USP49: variants seen among roughly 807,000 people sequenced by gnomAD.
USP49 encodes the protein ubiquitin specific peptidase 49, also known as ubiquitin carboxyl-terminal hydrolase 49.
In USP49, 24 loss-of-function variants were observed where a neutral mutation model predicts 58.6. That is an observed-to-expected ratio of 0.41 (90% confidence interval 0.30 to 0.58). The LOEUF is 0.58. Ranked by LOEUF, USP49 falls within the 20% of genes least tolerant of loss-of-function variation. The pLI, the probability that USP49 is intolerant of heterozygous loss-of-function variation, is 0.30. For missense variants in USP49, 703 were observed against 866.1 expected (o/e 0.81, Z 2.36); for synonymous variants, 408 against 365.1 (o/e 1.12, Z -1.34).
chr6:41,830,068 A>G (rs1054329375), intron 3 of USP49, among the ~76,000 whole-genome samples: 1 of 152,192 alleles, frequency 6.6e-6, no homozygotes, highest in African/African-American at 2.4e-5. Flanking sequence ...ACAATAATAC[A>G]TTCAATTTGC....
At chr6:41,804,107 G>A (rs1011634352) in intron 4 of USP49, 97 bp from the exon 5 acceptor site, 5 of 1,090,728 alleles carry the variant, frequency 4.6e-6, no homozygotes, top group Admixed American at 5.5e-5. Context: ...TCAAAACTAA[G>A]TGTATAATTT....
chr6:41,856,698 T>C (rs1213273175), intron 3 of USP49, among the ~76,000 whole-genome samples: 1 of 152,144 alleles, frequency 6.6e-6, no homozygotes, highest in Non-Finnish European at 1.5e-5. Flanking sequence ...TCCTCCCTTA[T>C]CCACAGTTTT....
rs761240031 is a variant in USP49, at chr6:41,806,539, G to C, written c.445C>G (p.Arg149Gly). ...MLTALWYRRQ[R>G]LLARTLRLWF... ...AGCCGCAGCGTCCTGGCCAGCAGGC[G>C]CTGACGCCGGTACCACAGAGCCGTG... The change falls in exon 4 of 8, where the codon CGC becomes GGC. Residue 149 changes from arginine to glycine, a missense_variant. Physicochemically the swap from Arg to Gly is moderately radical, Grantham distance 125. Around this residue, in one of 6 missense-constraint regions of USP49, gnomAD observed 376 missense variants for 373.5 expected, o/e 1.01. Coordinates refer to ENST00000682992, the MANE Select transcript of USP49 (RefSeq NM_001286554.2). The surrounding 1 kb of genome is among the most constrained non-coding windows in gnomAD (Gnocchi z 5.9). 2 of 1,600,408 alleles carry C rather than the reference G, an allele frequency of 1.2e-6. No individual in the cohort carries two copies. The highest frequency in any genetic ancestry group is 4.5e-5 in the East Asian group (2 of 44,854).
intron 3 of USP49, among the ~76,000 whole-genome samples, chr6:41,809,045 A>C (rs1773196030): frequency 6.6e-6 from 1 of 152,032 alleles, no homozygotes. Flanking sequence ...TCTAGAGTAG[A>C]TGAGATCATA....
At chr6:41,877,019 G>A (rs548210736) in intron 2 of USP49, among the ~76,000 whole-genome samples, 3 of 152,138 alleles carry the variant, frequency 2.0e-5, no homozygotes, top group African/African-American at 7.2e-5. Flanking sequence ...CTAAAATTTT[G>A]TACATATCGC....
chr6:41,802,765 T>TA (rs1773043409), intron 5 of USP49, among the ~76,000 whole-genome samples: 1 of 152,242 alleles, frequency 6.6e-6, no homozygotes, highest in South Asian at 2.1e-4. Flanking sequence ...CCTCTGTCCA[T>TA]ACTGGATTAG....
chr6:41,837,705 T>C (rs1582012573), intron 3 of USP49, among the ~76,000 whole-genome samples: 1 of 152,182 alleles, frequency 6.6e-6, no homozygotes, highest in Non-Finnish European at 1.5e-5. Flanking sequence ...TTGCAAGCTA[T>C]GCATCTGTCA....
rs1234489468 is a variant in USP49, at chr6:41,799,812, C to A, written c.1670+18G>T. On this transcript the variant is annotated intron_variant, in intron 6 of 7. Coordinates refer to ENST00000682992, the MANE Select transcript of USP49 (RefSeq NM_001286554.2). Reference sequence around the variant, plus strand: ...TCCCACAGCTCTCACCCAGCTGGGACTCCCACAGCAAGCTCACCTGAATCT... The same window carrying A: ...TCCCACAGCTCTCACCCAGCTGGGAATCCCACAGCAAGCTCACCTGAATCT... 6.2e-7 allele frequency: 1 copy of A among 1,606,072 alleles called. No homozygotes were observed. The highest frequency in any genetic ancestry group is 8.5e-7 in the Non-Finnish European group (1 of 1,172,924).
At chr6:41,861,209 C>A (rs913750839) in intron 3 of USP49, among the ~76,000 whole-genome samples, 1 of 151,838 alleles carries the variant, frequency 6.6e-6, no homozygotes, top group Non-Finnish European at 1.5e-5. Flanking sequence ...TTTGGGAGGC[C>A]GAGGCAGGCG....
intron 3 of USP49, among the ~76,000 whole-genome samples, chr6:41,818,449 G>A (rs374184900): frequency 1.9e-4 from 29 of 152,310 alleles, no homozygotes; most frequent in African/African-American, 7.0e-4. Context: ...CAGATTGGCT[G>A]GGTAAGGATT....
At chr6:41,860,852 G>A (rs866902638) in intron 3 of USP49, among the ~76,000 whole-genome samples, 5 of 152,030 alleles carry the variant, frequency 3.3e-5, no homozygotes, top group Admixed American at 1.3e-4. Context: ...GGCCAGGCAC[G>A]GTGGCTGGTG....
intron 2 of USP49, among the ~76,000 whole-genome samples, chr6:41,882,396 T>C (rs550182878): frequency 3.0e-4 from 46 of 152,302 alleles, no homozygotes; most frequent in Middle Eastern, 3.4e-3. Flanking sequence ...GTTTAGTGGA[T>C]GGTATTGGGA....
chr6:41,817,150 C>CTTTTTT lies in USP49; in HGVS notation c.-28-10145_-28-10140dup, dbSNP rs34281670. 2.6e-4 allele frequency among the ~76,000 whole-genome samples: 27 copies of CTTTTTT among 104,336 alleles called. 1 individual carries two copies. The highest frequency in any genetic ancestry group is 3.5e-4 in the Non-Finnish European group (20 of 57,074). The allele number at this position is 104,336 out of a possible 152,430, so 68.4% of individuals were successfully genotyped here. A position where few individuals can be genotyped will look rare whatever the true frequency, so the allele number is the denominator to read the frequency against. On this transcript the variant is annotated intron_variant, in intron 3 of 7. Transcript: ENST00000682992. ...CCACCACGCCTGGCTCCCACGCATGCTTTTTTTTTTTTTTTTTGAGACAGA... is the reference window on the plus strand; with the variant it reads ...CCACCACGCCTGGCTCCCACGCATGCTTTTTTTTTTTTTTTTTTTTTTTGAGACAGA...
intron 4 of USP49, among the ~76,000 whole-genome samples, chr6:41,805,067 A>G (rs887575564): frequency 1.3e-5 from 2 of 152,142 alleles, no homozygotes; most frequent in African/African-American, 4.8e-5. Context: ...TTTTTTAACT[A>G]TAGAAATACT....
At chr6:41,880,015 GA>G (rs1304289960) in intron 2 of USP49, among the ~76,000 whole-genome samples, 2 of 151,942 alleles carry the variant, frequency 1.3e-5, no homozygotes, top group East Asian at 3.9e-4. Flanking sequence ...CAAAATAAAT[GA>G]AATGAACAAG....
intron 3 of USP49, among the ~76,000 whole-genome samples, chr6:41,844,482 T>G (rs1773886865): frequency 6.6e-6 from 1 of 151,822 alleles, no homozygotes; most frequent in African/African-American, 2.4e-5. Context: ...CTCGGCTAGT[T>G]TTTTGTATTT....
At chr6:41,875,692 G>T (rs565313359) in intron 2 of USP49, among the ~76,000 whole-genome samples, 25 of 152,094 alleles carry the variant, frequency 1.6e-4, no homozygotes, top group Non-Finnish European at 3.5e-4. Flanking sequence ...TGTTTTCCTT[G>T]ACCCAGTCAC....
intron 3 of USP49, among the ~76,000 whole-genome samples, chr6:41,840,081 A>T (rs1185292400): frequency 2.0e-5 from 3 of 149,574 alleles, no homozygotes; most frequent in African/African-American, 2.4e-5. Context: ...ATTAACATTT[A>T]AAAAAAAAAT....
rs150705343 is a variant in USP49, at chr6:41,881,236, C to T, written c.-102-9599G>A. Among the ~76,000 whole-genome samples the T allele has an allele frequency of 2.0e-3, 260 of 131,704 alleles. 1 individual carries two copies. Among genetic ancestry groups the T allele is most frequent in the African/African-American group, 6.7e-3 (232 of 34,498 alleles). 86.4% of individuals were successfully genotyped at this position (131,704 alleles called of 152,430 possible). ...CGTGAGCCACCCTGCCCGGCCCCTA[C>T]GCAGATTTTTGTAAGCATAAGCCTA... On this transcript the variant is annotated intron_variant, in intron 2 of 7. Coordinates refer to ENST00000682992, the MANE Select transcript of USP49 (RefSeq NM_001286554.2).
Sources: gnomAD v4.1 joint callset for allele counts (sites outside exome capture counted in the v4.1 genomes callset) on GRCh38, gnomAD v4.1.1 for gene constraint, gnomAD v4.1.1 regional missense constraint, Gnocchi (gnomAD v3.1) non-coding constraint, MANE v1.5 for transcripts, NCBI Gene and HGNC (gene_info 2026-07-23, HGNC 2026-07-21) for gene names.